ROBO2: variants seen among roughly 807,000 people sequenced by gnomAD.
ROBO2 encodes the protein roundabout guidance receptor 2.
ROBO2 carries 53 observed loss-of-function variants against 160.8 expected under a neutral mutation model. The observed-to-expected ratio is 0.33, with a 90% CI of 0.26 to 0.41. The LOEUF (loss-of-function observed/expected upper bound fraction) is 0.41, where lower values mean the gene tolerates loss of function less well. ROBO2 is among the 10% of genes least tolerant of loss of function. The pLI is 1.00. For missense variants in ROBO2, 1,577 were observed against 1,722.4 expected (o/e 0.92, Z 1.49); for synonymous variants, 664 against 611.7 (o/e 1.09, Z -1.26).
chr3:77,179,982 C>T (rs897089779), intron 2 of ROBO2, among the ~76,000 whole-genome samples: 1 of 151,994 alleles, frequency 6.6e-6, no homozygotes, highest in Non-Finnish European at 1.5e-5. Flanking sequence ...TGACTGAACC[C>T]TGGGCTGTGT....
intron 1 of ROBO2, among the ~76,000 whole-genome samples, chr3:75,922,571 T>C (rs997185401): frequency 6.6e-6 from 1 of 152,034 alleles, no homozygotes; most frequent in Non-Finnish European, 1.5e-5. Context: ...ACAAAGTACA[T>C]TGACAGGAAA....
chr3:77,565,397 G>A (rs1012423112), intron 12 of ROBO2, among the ~76,000 whole-genome samples: 9 of 152,126 alleles, frequency 5.9e-5, no homozygotes, highest in African/African-American at 2.2e-4. Context: ...ATTTCAAAGG[G>A]AGGAAAATGT....
intron 2 of ROBO2, among the ~76,000 whole-genome samples, chr3:76,347,510 C>T (rs1275275463): frequency 3.3e-5 from 5 of 151,956 alleles, no homozygotes; most frequent in African/African-American, 1.2e-4. Context: ...TGTAATAATT[C>T]AGAGGAGATG....
In ROBO2 at chr3:77,228,263, C is replaced by T. The variant is rs982319798; in HGVS notation, c.388+129923C>T. Among the ~76,000 whole-genome samples the T allele has an allele frequency of 2.0e-5, 3 of 151,982 alleles. No individual in the cohort carries two copies. In the East Asian group the frequency reaches 5.8e-4, roughly 29 times the overall value. ...CTTAATGCAGCCTTGAACTCCCGGG[C>T]TCAAGGGATCCTCCCACCTCAGCCT... On this transcript the variant is annotated intron_variant, in intron 2 of 25. Transcript: ENST00000461745.
chr3:75,938,084 T>C (rs1239924642), intron 2 of ROBO2, among the ~76,000 whole-genome samples: 4 of 151,954 alleles, frequency 2.6e-5, no homozygotes, highest in African/African-American at 9.7e-5. Flanking sequence ...GATGTGATGT[T>C]CTTTAGAAAT....
At chr3:76,868,830 G>A (rs1178779311) in intron 2 of ROBO2, among the ~76,000 whole-genome samples, 1 of 148,266 alleles carries the variant, frequency 6.7e-6, no homozygotes, top group Non-Finnish European at 1.5e-5. Flanking sequence ...GTGCTAATGT[G>A]TATTTTTTCT....
intron 2 of ROBO2, among the ~76,000 whole-genome samples, chr3:77,199,185 T>C (rs2082587988): frequency 6.6e-6 from 1 of 152,242 alleles, no homozygotes; most frequent in Non-Finnish European, 1.5e-5. Context: ...GATTCCTTCC[T>C]GGATTTTTAT....
At position 76,700,290 on chromosome 3, in the gene ROBO2, C is replaced by G. The variant is rs534179815; in HGVS notation, c.110-397724C>G. 6.6e-5 allele frequency among the ~76,000 whole-genome samples: 10 copies of G among 152,170 alleles called. No individual in the cohort carries two copies. In the East Asian group the frequency reaches 1.9e-3, roughly 29 times the overall value. On this transcript the variant is annotated intron_variant, in intron 2 of 26. Coordinates refer to the ROBO2 transcript ENST00000487694. ...GTGACTCTAGTCATCATTTTATAAT[C>G]TTACTTTATATTACTCAAATATCCT...
intron 2 of ROBO2, among the ~76,000 whole-genome samples, chr3:75,987,010 C>T (rs1199485072): frequency 1.3e-5 from 2 of 151,714 alleles, no homozygotes; most frequent in African/African-American, 4.8e-5. Context: ...AGTGTGAGTT[C>T]TGCAGCTTTG....
At chr3:77,043,492 G>T (rs2064304039) in intron 1 of ROBO2, among the ~76,000 whole-genome samples, 1 of 152,104 alleles carries the variant, frequency 6.6e-6, no homozygotes, top group Non-Finnish European at 1.5e-5. Flanking sequence ...TCAGTATTGT[G>T]TCCCTGTAGC....
At chr3:76,759,401 C>G (rs2061170149) in intron 2 of ROBO2, among the ~76,000 whole-genome samples, 2 of 151,770 alleles carry the variant, frequency 1.3e-5, no homozygotes, top group Non-Finnish European at 2.9e-5. Context: ...TTCCTTATAA[C>G]ACTACATCTC....
chr3:76,213,075 G>T (rs1191959706), intron 2 of ROBO2, among the ~76,000 whole-genome samples: 2 of 152,108 alleles, frequency 1.3e-5, no homozygotes, highest in Admixed American at 6.6e-5. Context: ...GGAGAGACAA[G>T]AAATTTTTGG....
chr3:76,641,338 A>C (rs985427534), intron 2 of ROBO2, among the ~76,000 whole-genome samples: 2 of 152,178 alleles, frequency 1.3e-5, no homozygotes, highest in African/African-American at 4.8e-5. Flanking sequence ...GATATGATGC[A>C]TACAGAACAC....
intron 2 of ROBO2, among the ~76,000 whole-genome samples, chr3:76,980,234 C>T (rs571014283): frequency 2.6e-5 from 4 of 152,154 alleles, no homozygotes; most frequent in East Asian, 3.9e-4. Flanking sequence ...AACATTTCCT[C>T]GGCCATTGGC....
At chr3:76,108,890 AATT>A (rs1272951802) in intron 2 of ROBO2, among the ~76,000 whole-genome samples, 3 of 151,580 alleles carry the variant, frequency 2.0e-5, no homozygotes, top group African/African-American at 4.8e-5. Flanking sequence ...TTAATTTATC[AATT>A]ATTAAAATGT....
chr3:76,319,669 T>G (rs2072347546), intron 2 of ROBO2, among the ~76,000 whole-genome samples: 1 of 152,026 alleles, frequency 6.6e-6, no homozygotes, highest in Non-Finnish European at 1.5e-5. Context: ...GCATTGAACC[T>G]GTTCTTCAAA....
intron 2 of ROBO2, among the ~76,000 whole-genome samples, chr3:77,217,075 C>T (rs1206802884): frequency 6.6e-6 from 1 of 151,938 alleles, no homozygotes; most frequent in East Asian, 1.9e-4. Flanking sequence ...ACATGCAAGG[C>T]CCTTAATCTT....
At chr3:76,219,083 A>G (rs1240489610) in intron 2 of ROBO2, among the ~76,000 whole-genome samples, 1 of 152,210 alleles carries the variant, frequency 6.6e-6, no homozygotes, top group Admixed American at 6.5e-5. Context: ...TATTTAATAA[A>G]TGGTGCTGGG....
intron 2 of ROBO2, among the ~76,000 whole-genome samples, chr3:76,352,151 T>TC (rs1372821537): frequency 5.9e-5 from 9 of 151,918 alleles, no homozygotes; most frequent in Non-Finnish European, 4.4e-5. Flanking sequence ...ACTAATTCCC[T>TC]CCCCAAGTTG....
Sources: allele counts gnomAD v4.1 joint callset (sites outside exome capture counted in the v4.1 genomes callset), GRCh38; gene constraint gnomAD v4.1.1; transcripts MANE v1.5; gene names NCBI Gene and HGNC (gene_info 2026-07-23, HGNC 2026-07-21).